Variants in ANKS1B observed in about 807,000 individuals in gnomAD.
The protein encoded by ANKS1B is ankyrin repeat and sterile alpha motif domain containing 1B.
ANKS1B carries 36 observed loss-of-function variants against 148.3 expected under a neutral mutation model. The observed-to-expected ratio is 0.24, with a 90% CI of 0.19 to 0.32. ANKS1B has a LOEUF of 0.32. Among genes scored for constraint, ANKS1B ranks in the 10% least tolerant of loss-of-function variants. ANKS1B has a pLI of 1.00. For missense variants in ANKS1B, 1,157 were observed against 1,542.6 expected (o/e 0.75, Z 4.19); for synonymous variants, 542 against 560.8 (o/e 0.97, Z 0.47).
At chr12:99,507,796 C>G (rs756908966) in intron 9 of ANKS1B, among the ~76,000 whole-genome samples, 2 of 151,646 alleles carry the variant, frequency 1.3e-5, no homozygotes, top group Admixed American at 1.3e-4. Context: ...GACAAGTGAC[C>G]GTCAAAAGAG....
chr12:99,495,398 T>A (rs1349361210), intron 10 of ANKS1B, among the ~76,000 whole-genome samples: 1 of 151,182 alleles, frequency 6.6e-6, no homozygotes, highest in East Asian at 1.9e-4. Flanking sequence ...AATATTGTTT[T>A]CCAACTACAA....
chr12:99,660,363 C>CTTTTT (rs71088137), intron 8 of ANKS1B, among the ~76,000 whole-genome samples: 10 of 120,560 alleles, frequency 8.3e-5, no homozygotes, highest in South Asian at 2.7e-4. Context: ...TTTTCTTTTT[C>CTTTTT]TTTTTTTTTT....
intron 9 of ANKS1B, among the ~76,000 whole-genome samples, chr12:99,524,813 T>C (rs1232930308): frequency 6.6e-6 from 1 of 152,028 alleles, no homozygotes; most frequent in African/African-American, 2.4e-5. Flanking sequence ...TTCCCTACCA[T>C]GAGAACAGTA....
rs927294350 is a variant in ANKS1B at position 98,745,180 on chromosome 12, T to C, written c.*559A>G. The C allele has an allele frequency of 4.3e-5, 42 of 985,682 alleles. No homozygotes were observed. Among genetic ancestry groups the C allele is most frequent in the Non-Finnish European group, 3.7e-5 (31 of 829,934 alleles). 61.1% of individuals were successfully genotyped at this position (985,682 alleles called of 1,614,324 possible). A position where few individuals can be genotyped will look rare whatever the true frequency, so the allele number is the denominator to read the frequency against. ...TGATTACATATAAAATCCACAAATA[T>C]AGAAATGGGGAAACAGAATCTCCTG... On this transcript the variant is annotated 3_prime_UTR_variant, in exon 27 of 27. Coordinates refer to ENST00000683438, the MANE Select transcript of ANKS1B (RefSeq NM_001352186.2).
At position 99,463,586 on chromosome 12, in the gene ANKS1B, C is replaced by T. The variant is rs149102118; in HGVS notation, c.1439-19777G>A. On this transcript the variant is annotated intron_variant, in intron 10 of 26. Coordinates refer to ENST00000683438, the MANE Select transcript of ANKS1B (RefSeq NM_001352186.2). The stretch of plus-strand genomic sequence containing the variant: ...CCTGGAAAATCAGGTCACTCCCACC[C>T]TAATACTGCGCTTTTCCGACAGGCT... 6.5e-3 allele frequency among the ~76,000 whole-genome samples: 985 copies of T among 152,312 alleles called. 6 individuals are homozygous for T. Among genetic ancestry groups the T allele is most frequent in the African/African-American group, 0.023 (938 of 41,560 alleles).
At chr12:99,798,438 A>AC (rs1438083025) in intron 4 of ANKS1B, among the ~76,000 whole-genome samples, 1 of 151,384 alleles carries the variant, frequency 6.6e-6, no homozygotes, top group African/African-American at 2.4e-5. Context: ...AAAAAAAAAA[A>AC]AAAAACAAAA....
chr12:98,931,906 G>A (rs2099813962), intron 17 of ANKS1B, among the ~76,000 whole-genome samples: 2 of 152,100 alleles, frequency 1.3e-5, no homozygotes, highest in Non-Finnish European at 2.9e-5. Flanking sequence ...CTTACTCAGA[G>A]CCTTCTCTGG....
chr12:99,766,752 A>C (rs2153613980), intron 8 of ANKS1B, among the ~76,000 whole-genome samples: 1 of 152,260 alleles, frequency 6.6e-6, no homozygotes, highest in Middle Eastern at 3.4e-3. Flanking sequence ...ACTATAAAAA[A>C]TTATACATGC....
Position 98,832,104 on chromosome 12 carries a change from T to A in ANKS1B, c.2811A>T (p.Lys937Asn). The change falls in exon 18 of 27, where the codon AAA becomes AAT. Residue 937 changes from lysine to asparagine, a missense_variant. Lys to Asn is a moderately conservative substitution (Grantham distance 94). This residue lies in a region of ANKS1B where 258 missense variants were observed against 497.0 expected (regional missense o/e 0.52). Coordinates refer to ENST00000683438, the MANE Select transcript of ANKS1B (RefSeq NM_001352186.2). ...VLKINLIGHRKRILASLGDRL... is the reference protein window; with the variant it reads ...VLKINLIGHRNRILASLGDRL... Reference sequence around the variant, plus strand: ...TGTCTCCCAGAGATGCCAAAATACGTTTCCTGTGGCCAATCAAATTGATTT... The same window carrying A: ...TGTCTCCCAGAGATGCCAAAATACGATTCCTGTGGCCAATCAAATTGATTT... 6.3e-7 allele frequency: 1 copy of A among 1,592,744 alleles called. No individual in the cohort carries two copies. The highest frequency in any genetic ancestry group is 8.6e-7 in the Non-Finnish European group (1 of 1,168,832).
chr12:99,075,549 G>C (rs1028151425), intron 16 of ANKS1B, among the ~76,000 whole-genome samples: 1 of 152,152 alleles, frequency 6.6e-6, no homozygotes, highest in Non-Finnish European at 1.5e-5. Flanking sequence ...ATGACTTGCT[G>C]TCACTTCAAC....
intron 1 of ANKS1B, among the ~76,000 whole-genome samples, chr12:99,902,355 G>C (rs563550331): frequency 3.9e-4 from 59 of 152,140 alleles, no homozygotes; most frequent in Non-Finnish European, 6.2e-4. Flanking sequence ...AAGTGAGAAG[G>C]GGGTAAAATA....
Position 99,823,461 on chromosome 12 carries a change from G to A in ANKS1B, c.215+1848C>T, listed in dbSNP as rs866930344. On this transcript the variant is annotated intron_variant, in intron 2 of 26. Transcript: ENST00000683438. ...GCTGGGATTACAGGCACATATCATC[G>A]TGCCCAGCTAATTTTTGTAATTTTA... 2.6e-5 allele frequency among the ~76,000 whole-genome samples: 4 copies of A among 151,994 alleles called. No individual in the cohort carries two copies. The East Asian group carries it at 5.8e-4, about 22-fold the overall frequency.
intron 8 of ANKS1B, among the ~76,000 whole-genome samples, chr12:99,687,483 G>A (rs960131986): frequency 1.3e-5 from 2 of 152,012 alleles, no homozygotes; most frequent in South Asian, 4.2e-4. Flanking sequence ...TGGCTGAGTT[G>A]GTCACTGCTC....
At chr12:99,154,847 G>T (rs571863401) in intron 14 of ANKS1B, 5 of 1,529,380 alleles carry the variant, frequency 3.3e-6, no homozygotes, top group Non-Finnish European at 4.4e-6. Context: ...GCTCCCCCTC[G>T]CTCGCTCCCC....
chr12:98,830,584 T>C (rs2099297962), intron 18 of ANKS1B, among the ~76,000 whole-genome samples: 1 of 152,218 alleles, frequency 6.6e-6, no homozygotes, highest in African/African-American at 2.4e-5. Context: ...TGCTGTTTGC[T>C]GAAGTTTATT....
intron 10 of ANKS1B, among the ~76,000 whole-genome samples, chr12:99,493,580 T>G (rs2096574855): frequency 6.6e-6 from 1 of 152,172 alleles, no homozygotes; most frequent in African/African-American, 2.4e-5. Flanking sequence ...CTCATCCTAC[T>G]GTTTATTCCA....
intron 1 of ANKS1B, among the ~76,000 whole-genome samples, chr12:99,827,119 C>T (rs1331155444): frequency 6.6e-6 from 1 of 151,488 alleles, no homozygotes; most frequent in Non-Finnish European, 1.5e-5. Flanking sequence ...ACCCTGCCAC[C>T]CCCACAACAA....
chr12:99,462,914 T>C (rs554640358), intron 10 of ANKS1B, among the ~76,000 whole-genome samples: 18 of 152,290 alleles, frequency 1.2e-4, no homozygotes, highest in African/African-American at 4.1e-4. Flanking sequence ...CCCCTTTACC[T>C]TCCACCATGA....
intron 3 of ANKS1B, among the ~76,000 whole-genome samples, chr12:99,808,158 A>G (rs551494579): frequency 6.6e-6 from 1 of 152,222 alleles, no homozygotes; most frequent in South Asian, 2.1e-4. Context: ...GCTCAGAAAA[A>G]TACCAACCGA....
Sources: gnomAD v4.1 joint callset for allele counts (sites outside exome capture counted in the v4.1 genomes callset) on GRCh38, gnomAD v4.1.1 for gene constraint, gnomAD v4.1.1 regional missense constraint, MANE v1.5 for transcripts, NCBI Gene and HGNC (gene_info 2026-07-23, HGNC 2026-07-21) for gene names.